The following MPP3 variants were observed in gnomAD, a reference collection of about 807,000 sequenced individuals.
MPP3 encodes the protein MAGUK p55 scaffold protein 3, also known as MAGUK p55 subfamily member 3.
In MPP3, 48 loss-of-function variants were observed where a neutral mutation model predicts 80.7. The ratio of observed to expected loss-of-function variants is 0.59; its 90% CI spans 0.47 to 0.76. MPP3 has a LOEUF of 0.76. Ranked by LOEUF, MPP3 falls within the 30% of genes least tolerant of loss-of-function variation. MPP3 has a pLI of 0.00. For synonymous variants in MPP3, 311 were observed against 297.6 expected (o/e 1.04, Z -0.46); for missense variants, 620 against 763.0 (o/e 0.81, Z 2.21).
intron 13 of MPP3, 45 bp downstream of exon 13, chr17:43,816,632 G>A (rs1357189637): frequency 6.5e-7 from 1 of 1,550,172 alleles, no homozygotes; most frequent in African/African-American, 1.4e-5. Context: ...ACGTTCCACG[G>A]AAAAGGGGCC....
At chr17:43,820,590 C>CA (rs58538101) in intron 11 of MPP3, among the ~76,000 whole-genome samples, 172 of 103,756 alleles carry the variant, frequency 1.7e-3, no homozygotes, top group African/African-American at 3.0e-3. Flanking sequence ...GACTCTGTCT[C>CA]AAAAAAAAAA....
chr17:43,818,799 G>A (rs1178937218), intron 11 of MPP3, among the ~76,000 whole-genome samples: 2 of 152,066 alleles, frequency 1.3e-5, no homozygotes, highest in Non-Finnish European at 2.9e-5. Flanking sequence ...GGTGGTGCAC[G>A]TCTGTAATCC....
intron 16 of MPP3, chr17:43,811,434 G>A (rs2044853766): frequency 1.9e-6 from 1 of 532,978 alleles, no homozygotes; most frequent in Non-Finnish European, 3.4e-6. Context: ...TCCTTTTGCA[G>A]CTGAGAAAAC....
intron 8 of MPP3, among the ~76,000 whole-genome samples, chr17:43,827,328 TC>T (rs1186168403): frequency 7.2e-5 from 10 of 138,456 alleles, no homozygotes; most frequent in Admixed American, 1.4e-4. Context: ...TTTTTTTTTT[TC>T]TTTTTTTTTT....
rs778948460 is a variant in MPP3 at position 43,810,855 on chromosome 17, C to T, written c.1410G>A (p.Gln470=). The T allele has an allele frequency of 6.2e-7, 1 of 1,612,094 alleles. No individual in the cohort carries two copies. Among genetic ancestry groups the T allele is most frequent in the Non-Finnish European group, 8.5e-7 (1 of 1,179,532 alleles). ...NLYGTSLEAI[Q]AVMAKNKVCL... The stretch of plus-strand genomic sequence containing the variant: ...AAACTTTGTTTTTGGCCATAACAGC[C>T]TGAATGGCCTCCAGGCTGGTTCCAT... The change falls in exon 18 of 20, where the codon CAG becomes CAA. Residue 470 remains glutamine (Q), a synonymous_variant. Coordinates refer to ENST00000398389, the MANE Select transcript of MPP3 (RefSeq NM_001932.6).
intron 19 of MPP3, among the ~76,000 whole-genome samples, chr17:43,806,327 A>G (rs1231205031): frequency 2.0e-5 from 3 of 151,716 alleles, no homozygotes; most frequent in Non-Finnish European, 2.9e-5. Flanking sequence ...CACCACGCCC[A>G]GCTAATTTTT....
Position 43,801,064 on chromosome 17 carries a change from C to T in MPP3, c.*637G>A, listed in dbSNP as rs1186906784. Reference sequence around the variant, plus strand: ...TTTAGAAAGGGGAAAGGCAACCTTACATTCCTCGAGTCCCTGAAGGCACCA... The same window carrying T: ...TTTAGAAAGGGGAAAGGCAACCTTATATTCCTCGAGTCCCTGAAGGCACCA... On this transcript the variant is annotated 3_prime_UTR_variant, in exon 20 of 20. Transcript: ENST00000398389. The T allele has an allele frequency of 6.6e-6, 1 of 152,272 alleles. No individual in the cohort carries two copies. Among genetic ancestry groups the T allele is most frequent in the East Asian group, 1.9e-4 (1 of 5,204 alleles). 9.4% of individuals were successfully genotyped at this position (152,272 alleles called of 1,614,324 possible). A position where few individuals can be genotyped will look rare whatever the true frequency, so the allele number is the denominator to read the frequency against.
intron 13 of MPP3, among the ~76,000 whole-genome samples, chr17:43,816,363 T>A (rs748857152): frequency 3.9e-5 from 6 of 152,140 alleles, no homozygotes; most frequent in African/African-American, 7.2e-5. Flanking sequence ...TAGGGAGGGA[T>A]TCACTCCAGC....
At chr17:43,809,644 C>T (rs968531719) in intron 18 of MPP3, among the ~76,000 whole-genome samples, 2 of 152,144 alleles carry the variant, frequency 1.3e-5, no homozygotes, top group African/African-American at 4.8e-5. Context: ...CTTTGGGAGG[C>T]CGAGCCGGGT....
At chr17:43,826,831 T>TATATATATATATATA (rs57570654) in intron 8 of MPP3, among the ~76,000 whole-genome samples, 1 of 118,520 alleles carries the variant, frequency 8.4e-6, no homozygotes, top group African/African-American at 4.1e-5. Context: ...TATATATATA[T>TATATATATATATATA]TTTTTTTTTT....
intron 19 of MPP3, among the ~76,000 whole-genome samples, chr17:43,806,338 GTATTTT>G (rs1186101512): frequency 6.6e-6 from 1 of 151,362 alleles, no homozygotes; most frequent in Non-Finnish European, 1.5e-5. Context: ...GCTAATTTTT[GTATTTT>G]TAGTAGAGAC....
In MPP3 at chr17:43,801,491, C is replaced by G. The variant is rs1049431341; in HGVS notation, c.*210G>C. 1 of 546,582 alleles carries G rather than the reference C, an allele frequency of 1.8e-6. No individual in the cohort carries two copies. The highest frequency in any genetic ancestry group is 3.2e-6 in the Non-Finnish European group (1 of 311,334). 33.9% of individuals were successfully genotyped at this position (546,582 alleles called of 1,614,324 possible). The stretch of plus-strand genomic sequence containing the variant: ...GAAATGTGTTGTTTTCTGATATGCC[C>G]CTTTCAAATCATGATCCAAAGAGGT... On this transcript the variant is annotated 3_prime_UTR_variant, in exon 20 of 20. Transcript: ENST00000398389.
intron 19 of MPP3, among the ~76,000 whole-genome samples, chr17:43,802,126 A>C (rs2044433930): frequency 6.6e-6 from 1 of 152,206 alleles, no homozygotes; most frequent in South Asian, 2.1e-4. Flanking sequence ...CCTCCTGAGG[A>C]CCTATGAACT....
chr17:43,807,934 T>C (rs148041355), intron 19 of MPP3, among the ~76,000 whole-genome samples: 17 of 151,484 alleles, frequency 1.1e-4, no homozygotes, highest in African/African-American at 4.1e-4. Flanking sequence ...CACTCCAGTC[T>C]GGGCAATACA....
Position 43,801,709 on chromosome 17 carries a change from C to G in MPP3, c.1750G>C (p.Val584Leu). The change falls in exon 20 of 20, where the codon GTC becomes CTC. Residue 584 changes from valine to leucine, a missense_variant. By Grantham distance (32) the Val-to-Leu change is conservative. Transcript: ENST00000398389. ...GATGTTCTGGGATAAAGTTACCTGA[C>G]CCAACTAACAGGTACCCAGTGAGTG... The part of the protein sequence containing the change: ...KDTHWVPVSW[V>L]R The G allele has an allele frequency of 1.9e-6, 3 of 1,614,022 alleles. No individual in the cohort carries two copies. The highest frequency in any genetic ancestry group is 2.5e-6 in the Non-Finnish European group (3 of 1,179,954).
chr17:43,832,215 T>A, intron 2 of MPP3: 1 of 472,760 alleles, frequency 2.1e-6, no homozygotes, highest in Non-Finnish European at 3.7e-6. Flanking sequence ...TCCCATTTTA[T>A]TGATGAAGAA....
At position 43,831,550 on chromosome 17, in the gene MPP3, G is replaced by A. The variant is rs1265294202; in HGVS notation, c.144+9C>T. On this transcript the variant is annotated intron_variant, in intron 4 of 19. Transcript: ENST00000398389. ...ACACCCTTCCACGCAGGATGACGTG[G>A]GACTTCACCTTCATTAAGTAACTGA... 3 of 1,591,246 alleles carry A rather than the reference G, an allele frequency of 1.9e-6. No homozygotes were observed. The highest frequency in any genetic ancestry group is 2.6e-6 in the Non-Finnish European group (3 of 1,159,972).
At chr17:43,829,044 C>T (rs994330726) in intron 7 of MPP3, among the ~76,000 whole-genome samples, 11 of 152,210 alleles carry the variant, frequency 7.2e-5, no homozygotes, top group African/African-American at 2.7e-4. Context: ...TCTGGGCTTC[C>T]ACCACTTCTG....
At position 43,801,672 on chromosome 17, in the gene MPP3, C is replaced by T; in HGVS notation, c.*29G>A. ...TCTGGACTAGATGATCTTCAAGGTC[C>T]CGTCCAGCTTGGATGTTCTGGGATA... On this transcript the variant is annotated 3_prime_UTR_variant, in exon 20 of 20. Transcript: ENST00000398389. 1 of 1,607,336 alleles carries T rather than the reference C, an allele frequency of 6.2e-7. No individual in the cohort carries two copies. The highest frequency in any genetic ancestry group is 8.5e-7 in the Non-Finnish European group (1 of 1,174,214).
Sources: gnomAD v4.1 joint callset for allele counts (sites outside exome capture counted in the v4.1 genomes callset) on GRCh38, gnomAD v4.1.1 for gene constraint, MANE v1.5 for transcripts, NCBI Gene and HGNC (gene_info 2026-07-23, HGNC 2026-07-21) for gene names.